Variants in DLG2 observed in about 807,000 individuals in gnomAD.
DLG2 encodes discs large MAGUK scaffold protein 2.
Under a neutral mutation model 132.5 loss-of-function variants are expected in DLG2, and 45 were observed. That is an observed-to-expected ratio of 0.34 (90% confidence interval 0.27 to 0.44). DLG2 has a LOEUF of 0.44. Among genes scored for constraint, DLG2 ranks in the 20% least tolerant of loss-of-function variants. DLG2 has a pLI of 1.00. For synonymous variants in DLG2, 424 were observed against 419.6 expected (o/e 1.01, Z -0.13); for missense variants, 1,045 against 1,196.9 (o/e 0.87, Z 1.87).
intron 6 of DLG2, among the ~76,000 whole-genome samples, chr11:84,584,967 C>T (rs190986092): frequency 6.6e-6 from 1 of 151,872 alleles, no homozygotes; most frequent in Non-Finnish European, 1.5e-5. Flanking sequence ...GGATTACAGG[C>T]GTGAGCCACC....
At chr11:83,575,249 A>G (rs944271914) in intron 19 of DLG2, among the ~76,000 whole-genome samples, 6 of 152,210 alleles carry the variant, frequency 3.9e-5, no homozygotes, top group African/African-American at 1.4e-4. Flanking sequence ...ACCAGACATC[A>G]GACAATGAAG....
chr11:84,299,518 T>C (rs899626344), intron 7 of DLG2, among the ~76,000 whole-genome samples: 5 of 152,316 alleles, frequency 3.3e-5, no homozygotes, highest in Non-Finnish European at 7.4e-5. Flanking sequence ...GATCTGGTGA[T>C]GACTTCCTGA....
At chr11:84,760,333 C>A (rs1316808200) in intron 6 of DLG2, among the ~76,000 whole-genome samples, 1 of 152,180 alleles carries the variant, frequency 6.6e-6, no homozygotes, top group African/African-American at 2.4e-5. Flanking sequence ...AATGGACTTG[C>A]TAGGCTGTCT....
chr11:83,993,110 T>C (rs1466280879), intron 11 of DLG2, among the ~76,000 whole-genome samples: 1 of 152,160 alleles, frequency 6.6e-6, no homozygotes, highest in Non-Finnish European at 1.5e-5. Context: ...TTAGATTGAA[T>C]TGCCTTACAT....
At chr11:83,800,115 C>A (rs1480699661) in intron 17 of DLG2, among the ~76,000 whole-genome samples, 1 of 152,210 alleles carries the variant, frequency 6.6e-6, no homozygotes, top group East Asian at 1.9e-4. Flanking sequence ...TATCTCAATG[C>A]AGGCTCATTT....
chr11:84,574,431 T>G (rs577457905), intron 6 of DLG2, among the ~76,000 whole-genome samples: 1 of 152,248 alleles, frequency 6.6e-6, no homozygotes, highest in African/African-American at 2.4e-5. Flanking sequence ...ACCTGTTTAC[T>G]CTCTTCCTTT....
chr11:84,456,041 A>C (rs898288452), intron 7 of DLG2, among the ~76,000 whole-genome samples: 1 of 151,310 alleles, frequency 6.6e-6, no homozygotes, highest in Non-Finnish European at 1.5e-5. Context: ...AGTATGGAAC[A>C]CTGGATTCTG....
At position 84,486,414 on chromosome 11, in the gene DLG2, T is replaced by G. The variant is rs138617937; in HGVS notation, c.519+48156A>C. On this transcript the variant is annotated intron_variant, in intron 7 of 27. Transcript: ENST00000376104. ...AAATTATCCAAAGTTGGAGCCCTCT[T>G]TGAGCTGACCACCTAGGCCAAATGA... Among the ~76,000 whole-genome samples the G allele has an allele frequency of 6.6e-5, 10 of 152,288 alleles. No homozygotes were observed. In the East Asian group the frequency reaches 1.9e-3, roughly 29 times the overall value.
chr11:85,134,530 A>G (rs1396892275), intron 5 of DLG2, among the ~76,000 whole-genome samples: 1 of 115,406 alleles, frequency 8.7e-6, no homozygotes, highest in Non-Finnish European at 1.8e-5. Flanking sequence ...CTCCGTCTCA[A>G]AAAAAAAAAA....
In DLG2 at chr11:85,360,305, G is replaced by A. The variant is rs555692440; in HGVS notation, c.41-74940C>T. 2.0e-5 allele frequency among the ~76,000 whole-genome samples: 3 copies of A among 152,290 alleles called. No homozygotes were observed. In the East Asian group the frequency reaches 5.8e-4, roughly 29 times the overall value. On this transcript the variant is annotated intron_variant, in intron 3 of 27. Transcript: ENST00000376104. ...TCACTAGGTGTGTAACTTTGAGTGT[G>A]GCTTAGCCTTTTTGTGCTTCCGTTT... is the stretch of plus-strand genomic sequence containing the variant.
chr11:84,038,876 G>GA (rs1361277619), intron 11 of DLG2, among the ~76,000 whole-genome samples: 1 of 151,904 alleles, frequency 6.6e-6, no homozygotes, highest in African/African-American at 2.4e-5. Context: ...AGCCAAAGGG[G>GA]AAAAACCCCT....
chr11:84,926,123 A>G (rs965575804), intron 6 of DLG2, among the ~76,000 whole-genome samples: 1 of 152,140 alleles, frequency 6.6e-6, no homozygotes, highest in Non-Finnish European at 1.5e-5. Context: ...TGAAGCACTC[A>G]AAGAACATAA....
At chr11:84,437,184 A>G (rs529991647) in intron 7 of DLG2, among the ~76,000 whole-genome samples, 27 of 152,258 alleles carry the variant, frequency 1.8e-4, no homozygotes, top group African/African-American at 6.5e-4. Context: ...ATAGCCAATG[A>G]TCTTGCTTAA....
chr11:84,976,353 G>A (rs183224458), intron 6 of DLG2, among the ~76,000 whole-genome samples: 1 of 152,134 alleles, frequency 6.6e-6, no homozygotes, highest in East Asian at 1.9e-4. Context: ...CTGTACCCAC[G>A]ACTGTAAGAC....
At chr11:83,627,052 C>A (rs1197361299) in intron 19 of DLG2, among the ~76,000 whole-genome samples, 1 of 152,114 alleles carries the variant, frequency 6.6e-6, no homozygotes. Flanking sequence ...ATTCTGTGGT[C>A]TCTCTGTCTG....
At chr11:83,516,025 T>C (rs1285641733) in intron 21 of DLG2, among the ~76,000 whole-genome samples, 1 of 152,220 alleles carries the variant, frequency 6.6e-6, no homozygotes, top group Non-Finnish European at 1.5e-5. Flanking sequence ...GAGAGTTCTG[T>C]AGATGTCTAT....
At chr11:83,581,867 G>C (rs1437506362) in intron 19 of DLG2, among the ~76,000 whole-genome samples, 1 of 151,574 alleles carries the variant, frequency 6.6e-6, no homozygotes, top group African/African-American at 2.4e-5. Context: ...CTGAGTTTAG[G>C]GAGAATTACA....
intron 6 of DLG2, among the ~76,000 whole-genome samples, chr11:85,052,978 A>G (rs1270034908): frequency 2.6e-5 from 4 of 152,086 alleles, no homozygotes; most frequent in Non-Finnish European, 1.5e-5. Flanking sequence ...TACTTGCCCT[A>G]TTGTTTCCAC....
At chr11:84,148,950 T>C (rs1170865504) in intron 9 of DLG2, among the ~76,000 whole-genome samples, 1 of 152,234 alleles carries the variant, frequency 6.6e-6, no homozygotes. Context: ...GGTTTTGATT[T>C]GCATTTCTCT....
Sources: allele counts gnomAD v4.1 joint callset (sites outside exome capture counted in the v4.1 genomes callset), GRCh38; gene constraint gnomAD v4.1.1; transcripts MANE v1.5; gene names NCBI Gene and HGNC (gene_info 2026-07-23, HGNC 2026-07-21).